Variants in DAB1 observed in about 807,000 individuals in gnomAD.
DAB1 encodes disabled homolog 1.
Under a neutral mutation model 64.6 loss-of-function variants are expected in DAB1, and 15 were observed. The ratio of observed to expected loss-of-function variants is 0.23; its 90% CI spans 0.16 to 0.36. The LOEUF (loss-of-function observed/expected upper bound fraction) is 0.36, where lower values mean the gene tolerates loss of function less well. Ranked by LOEUF, DAB1 falls within the 10% of genes least tolerant of loss-of-function variation. The probability of loss-of-function intolerance (pLI) is 1.00; values close to 1 mark genes in which losing one functional copy is unlikely to be tolerated. For synonymous variants in DAB1, 235 were observed against 251.9 expected (o/e 0.93, Z 0.64); for missense variants, 596 against 706.7 (o/e 0.84, Z 1.78).
intron 5 of DAB1, among the ~76,000 whole-genome samples, chr1:57,941,550 G>A (rs998697976): frequency 1.3e-5 from 2 of 152,128 alleles, no homozygotes; most frequent in African/African-American, 4.8e-5. Context: ...TTAAGAAATC[G>A]AATGGGCCGG....
At chr1:57,400,993 T>TAAA (rs11462115) in intron 1 of DAB1, among the ~76,000 whole-genome samples, 49,958 of 137,396 alleles carry the variant, frequency 0.36, 9,350 homozygotes, top group Non-Finnish European at 0.43. Flanking sequence ...AGCTCTCTCT[T>TAAA]AAAAAAAAAA....
At position 57,009,033 on chromosome 1, in the gene DAB1, C is replaced by A. The variant is rs1384355831; in HGVS notation, c.*15+1647G>T. Among the ~76,000 whole-genome samples, 3 of 152,216 alleles carry A rather than the reference C, an allele frequency of 2.0e-5. No homozygotes were observed. The East Asian group carries it at 5.8e-4, about 29-fold the overall frequency. ...GCTTGTAGGATTGTCTCAAGCTGAA[C>A]AGGTTCATAAAGATGAGGGTTTAAT... On this transcript the variant is annotated intron_variant, in intron 14 of 14. Transcript: ENST00000371236.
At chr1:57,048,037 T>C (rs1161228738) in intron 9 of DAB1, among the ~76,000 whole-genome samples, 3 of 152,256 alleles carry the variant, frequency 2.0e-5, no homozygotes, top group African/African-American at 7.2e-5. Flanking sequence ...AAATATCTTA[T>C]GTGCATTACT....
In DAB1 at chr1:57,509,263, T is replaced by C. The variant is rs187005722; in HGVS notation, n.625+140329A>G. Among the ~76,000 whole-genome samples, 2 of 152,226 alleles carry C rather than the reference T, an allele frequency of 1.3e-5. 1 individual carries two copies. Among genetic ancestry groups the C allele is most frequent in the Admixed American group, 1.3e-4 (2 of 15,284 alleles). ...AACACATGCTCAATAAGTTTCACTT[T>C]CCTCTCTTTATTTTCTTAAAACAGC... On this transcript the variant is annotated intron_variant and non_coding_transcript_variant, in intron 7 of 20. Coordinates refer to the DAB1 transcript ENST00000485760.
chr1:58,336,292 T>C (rs544974885), intron 4 of DAB1, among the ~76,000 whole-genome samples: 2 of 152,342 alleles, frequency 1.3e-5, no homozygotes, highest in East Asian at 3.9e-4. Flanking sequence ...CATATTCTGT[T>C]CTGGCGTTTG....
intron 2 of DAB1, among the ~76,000 whole-genome samples, chr1:57,264,632 A>G (rs1670446079): frequency 6.6e-6 from 1 of 152,044 alleles, no homozygotes; most frequent in African/African-American, 2.4e-5. Context: ...ACAAGGTTGA[A>G]CCCCTAGAGA....
intron 7 of DAB1, among the ~76,000 whole-genome samples, chr1:57,463,967 T>C (rs1354128294): frequency 6.6e-6 from 1 of 152,200 alleles, no homozygotes; most frequent in Non-Finnish European, 1.5e-5. Context: ...ACATAGGCTA[T>C]GTTCTAGCTG....
chr1:58,344,499 T>G (rs1020566168), intron 3 of DAB1, among the ~76,000 whole-genome samples: 1 of 152,020 alleles, frequency 6.6e-6, no homozygotes, highest in African/African-American at 2.4e-5. Context: ...TGAGAAGGCA[T>G]TTGGAAGAAT....
chr1:58,383,864 G>A (rs1644411213), intron 3 of DAB1, among the ~76,000 whole-genome samples: 1 of 152,168 alleles, frequency 6.6e-6, no homozygotes, highest in Non-Finnish European at 1.5e-5. Context: ...ATCTCTTTGA[G>A]ATCCTGACAT....
intron 4 of DAB1, among the ~76,000 whole-genome samples, chr1:58,300,646 G>GAGGAAGGAAGGA (rs750819465): frequency 2.6e-4 from 15 of 57,344 alleles, no homozygotes; most frequent in African/African-American, 4.7e-4. Flanking sequence ...GAGAGAGAGA[G>GAGGAAGGAAGGA]AGGAAGGAAG....
chr1:57,527,870 A>G (rs1644612431), intron 7 of DAB1, among the ~76,000 whole-genome samples: 1 of 152,166 alleles, frequency 6.6e-6, no homozygotes, highest in South Asian at 2.1e-4. Context: ...ATCCCCAAAT[A>G]CAAACAGTGC....
intron 6 of DAB1, among the ~76,000 whole-genome samples, chr1:57,741,103 C>T (rs537734497): frequency 3.3e-5 from 5 of 152,174 alleles, no homozygotes; most frequent in Admixed American, 1.3e-4. Context: ...TAGAGATGAG[C>T]GTTAGACATT....
At chr1:58,039,680 G>C (rs1647104015) in intron 5 of DAB1, among the ~76,000 whole-genome samples, 1 of 152,084 alleles carries the variant, frequency 6.6e-6, no homozygotes, top group Non-Finnish European at 1.5e-5. Flanking sequence ...CCTTGCACCT[G>C]GAGCCAGTAA....
At chr1:57,973,277 A>G (rs1378797528) in intron 5 of DAB1, among the ~76,000 whole-genome samples, 1 of 152,188 alleles carries the variant, frequency 6.6e-6, no homozygotes, top group African/African-American at 2.4e-5. Context: ...AAGCTCAAAG[A>G]GGCAAGGACT....
At chr1:57,828,279 T>A (rs1386235828) in intron 1 of DAB1, among the ~76,000 whole-genome samples, 1 of 152,192 alleles carries the variant, frequency 6.6e-6, no homozygotes, top group East Asian at 1.9e-4. Context: ...AAAGCTGAAG[T>A]TCAGAGAGGT....
chr1:58,504,071 G>A lies in DAB1; in HGVS notation n.257+1989C>T, dbSNP rs535772913. Among the ~76,000 whole-genome samples the A allele has an allele frequency of 4.0e-4, 61 of 152,156 alleles. No homozygotes were observed. The South Asian group carries it at 0.012, about 30-fold the overall frequency. Reference sequence around the variant, plus strand: ...CCTAAAAAGTCTCCCTGACTCCACCGTTGCCCCACTAGTCTACTCCACACA... The same window carrying A: ...CCTAAAAAGTCTCCCTGACTCCACCATTGCCCCACTAGTCTACTCCACACA... On this transcript the variant is annotated intron_variant and non_coding_transcript_variant, in intron 3 of 20. Transcript: ENST00000485760.
intron 2 of DAB1, among the ~76,000 whole-genome samples, chr1:57,189,947 T>C (rs1310530450): frequency 6.6e-6 from 1 of 151,992 alleles, no homozygotes; most frequent in African/African-American, 2.4e-5. Flanking sequence ...ATGCTAGGAC[T>C]GAACAGAATT....
intron 6 of DAB1, among the ~76,000 whole-genome samples, chr1:57,760,618 TCTCA>T (rs1159077062): frequency 8.7e-6 from 1 of 115,584 alleles, no homozygotes; most frequent in African/African-American, 3.7e-5. Context: ...TCTCTCTCTC[TCTCA>T]CACACACACA....
At chr1:57,616,721 A>C (rs1417737092) in intron 7 of DAB1, among the ~76,000 whole-genome samples, 1 of 152,168 alleles carries the variant, frequency 6.6e-6, no homozygotes, top group East Asian at 1.9e-4. Flanking sequence ...TATCTATCCA[A>C]ATATTATGAA....
Sources: allele counts gnomAD v4.1 joint callset (sites outside exome capture counted in the v4.1 genomes callset), GRCh38; gene constraint gnomAD v4.1.1; transcripts MANE v1.5; gene names NCBI Gene and HGNC (gene_info 2026-07-23, HGNC 2026-07-21).